Variants in CTNND2 observed in about 807,000 individuals in gnomAD.
CTNND2 encodes the protein catenin delta-2.
Under a neutral mutation model 144.4 loss-of-function variants are expected in CTNND2, and 22 were observed. The observed-to-expected ratio is 0.15, with a 90% confidence interval of 0.11 to 0.22. The LOEUF (loss-of-function observed/expected upper bound fraction) is 0.22. Among genes scored for constraint, CTNND2 ranks in the 10% least tolerant of loss-of-function variants. The probability of loss-of-function intolerance (pLI) is 1.00; values close to 1 mark genes in which losing one functional copy is unlikely to be tolerated. For synonymous variants in CTNND2, 751 were observed against 695.6 expected, an observed-to-expected ratio of 1.08 and a Z score of -1.25; for missense variants, 1,353 against 1,618.8, an observed-to-expected ratio of 0.84 and a Z score of 2.82.
Position 11,469,914 on chromosome 5 carries a change from C to T in CTNND2, c.288-57845G>A, listed in dbSNP as rs79395208. ...CATTTAGTCTCACTGCTGTTGCCTT[C>T]GTTCAAGCCCTTGACCATGCCTCCT... is the stretch of plus-strand genomic sequence containing the variant. On this transcript the variant is annotated intron_variant, in intron 3 of 21. Transcript: ENST00000304623. 6.7e-3 allele frequency among the ~76,000 whole-genome samples: 1,022 copies of T among 152,210 alleles called. 17 individuals are homozygous for T. The highest frequency in any genetic ancestry group is 0.023 in the African/African-American group (974 of 41,516).
intron 6 of CTNND2, among the ~76,000 whole-genome samples, chr5:11,389,489 GGTGT>G (rs35535538): frequency 3.3e-5 from 5 of 151,404 alleles, no homozygotes; most frequent in Admixed American, 1.3e-4. Flanking sequence ...TACATTACAT[GGTGT>G]GTGTGTGTGT....
intron 7 of CTNND2, among the ~76,000 whole-genome samples, chr5:11,379,422 A>G (rs1384913370): frequency 6.6e-6 from 1 of 152,218 alleles, no homozygotes; most frequent in South Asian, 2.1e-4. Context: ...TTTCTAGATG[A>G]GTAGCTTTGG....
intron 2 of CTNND2, among the ~76,000 whole-genome samples, chr5:11,596,158 T>C (rs1357065669): frequency 1.3e-5 from 2 of 152,206 alleles, no homozygotes; most frequent in African/African-American, 4.8e-5. Context: ...TTTTATCCTT[T>C]TCTAGACCTC....
intron 9 of CTNND2, among the ~76,000 whole-genome samples, chr5:11,249,026 C>T (rs545660251): frequency 6.6e-6 from 1 of 152,206 alleles, no homozygotes; most frequent in Non-Finnish European, 1.5e-5. Flanking sequence ...AACATTTGGT[C>T]GCTGTGCTCT....
intron 1 of CTNND2, among the ~76,000 whole-genome samples, chr5:11,870,228 A>G (rs1795963449): frequency 6.6e-6 from 1 of 152,208 alleles, no homozygotes; most frequent in East Asian, 1.9e-4. Flanking sequence ...GGCAATCCCT[A>G]GAGACATTAT....
At chr5:11,179,856 T>C (rs1760832187) in intron 11 of CTNND2, among the ~76,000 whole-genome samples, 1 of 152,232 alleles carries the variant, frequency 6.6e-6, no homozygotes, top group Non-Finnish European at 1.5e-5. Flanking sequence ...TGGTGCTTAT[T>C]ACATTAACCT....
At chr5:11,457,397 C>T (rs1404832601) in intron 3 of CTNND2, among the ~76,000 whole-genome samples, 1 of 152,096 alleles carries the variant, frequency 6.6e-6, no homozygotes, top group Non-Finnish European at 1.5e-5. Context: ...GATAGAGAAA[C>T]AATATTAATT....
chr5:11,063,707 A>G (rs1747242917), intron 16 of CTNND2, among the ~76,000 whole-genome samples: 1 of 151,964 alleles, frequency 6.6e-6, no homozygotes, highest in Non-Finnish European at 1.5e-5. Context: ...TTTTAAAGAC[A>G]TATTTAAAAG....
At chr5:11,775,889 A>C (rs1239859052) in intron 1 of CTNND2, among the ~76,000 whole-genome samples, 1 of 152,178 alleles carries the variant, frequency 6.6e-6, no homozygotes, top group Non-Finnish European at 1.5e-5. Flanking sequence ...TAGGGTCCTT[A>C]TAAGAAGAGG....
At chr5:11,468,978 G>T (rs1181716112) in intron 3 of CTNND2, among the ~76,000 whole-genome samples, 1 of 152,120 alleles carries the variant, frequency 6.6e-6, no homozygotes, top group East Asian at 1.9e-4. Flanking sequence ...TTGGGTTTCT[G>T]CAGGTCATAT....
chr5:11,326,053 C>G (rs148537772), intron 9 of CTNND2, among the ~76,000 whole-genome samples: 2 of 152,148 alleles, frequency 1.3e-5, no homozygotes, highest in African/African-American at 4.8e-5. Context: ...GCCACCTCTT[C>G]GTGAATTTTC....
intron 1 of CTNND2, among the ~76,000 whole-genome samples, chr5:11,803,353 C>T (rs1483713344): frequency 1.3e-5 from 2 of 151,858 alleles, no homozygotes; most frequent in African/African-American, 4.8e-5. Flanking sequence ...CACAAGAGTG[C>T]ACAAGAGGGG....
intron 3 of CTNND2, among the ~76,000 whole-genome samples, chr5:11,552,934 A>G (rs574643100): frequency 1.8e-4 from 27 of 152,334 alleles, no homozygotes; most frequent in African/African-American, 6.5e-4. Context: ...GACTCTCAGC[A>G]TCTGAAGGAA....
chr5:11,181,655 ATG>A (rs150884256), intron 11 of CTNND2, among the ~76,000 whole-genome samples: 1 of 150,522 alleles, frequency 6.6e-6, no homozygotes, highest in Non-Finnish European at 1.5e-5. Flanking sequence ...CTCCGTGTGT[ATG>A]TGTGTGTGTG....
chr5:11,531,902 T>C (rs1401595819), intron 3 of CTNND2, among the ~76,000 whole-genome samples: 1 of 152,154 alleles, frequency 6.6e-6, no homozygotes, highest in Non-Finnish European at 1.5e-5. Context: ...ATTTGGCTTA[T>C]CCACCAAATA....
At chr5:11,890,397 G>A (rs1478212782) in intron 1 of CTNND2, among the ~76,000 whole-genome samples, 1 of 152,102 alleles carries the variant, frequency 6.6e-6, no homozygotes, top group South Asian at 2.1e-4. Context: ...GACCAGAGAG[G>A]CAAAAAGCAC....
intron 1 of CTNND2, among the ~76,000 whole-genome samples, chr5:11,884,838 A>G (rs1736399407): frequency 6.6e-6 from 1 of 152,176 alleles, no homozygotes; most frequent in South Asian, 2.1e-4. Context: ...CGTTCCTTCT[A>G]TAACTAATTT....
intron 9 of CTNND2, among the ~76,000 whole-genome samples, chr5:11,260,784 T>C (rs1744777040): frequency 6.6e-6 from 1 of 152,024 alleles, no homozygotes; most frequent in Admixed American, 6.6e-5. Flanking sequence ...CAATCAACAA[T>C]TTGAAAAAAA....
At chr5:11,266,611 T>C (rs1473595998) in intron 9 of CTNND2, among the ~76,000 whole-genome samples, 2 of 152,244 alleles carry the variant, frequency 1.3e-5, no homozygotes, top group Non-Finnish European at 2.9e-5. Flanking sequence ...ATTGTGGAAC[T>C]GATTACATCT....
Sources: allele counts gnomAD v4.1 joint callset (sites outside exome capture counted in the v4.1 genomes callset), GRCh38; gene constraint gnomAD v4.1.1; transcripts MANE v1.5; gene names NCBI Gene and HGNC (gene_info 2026-07-23, HGNC 2026-07-21).